The following NIBAN2 variants were observed in gnomAD, a reference collection of about 807,000 sequenced individuals.
The protein encoded by NIBAN2 is protein Niban 2.
NIBAN2 carries 36 observed loss-of-function variants against 81.8 expected under a neutral mutation model. That is an observed-to-expected ratio of 0.44 (90% CI 0.34 to 0.58). The LOEUF is 0.58. Ranked by LOEUF, NIBAN2 falls within the 20% of genes least tolerant of loss-of-function variation. NIBAN2 has a pLI of 0.02. For synonymous variants in NIBAN2, 445 were observed against 441.6 expected (o/e 1.01, Z -0.10); for missense variants, 897 against 1,014.1 (o/e 0.88, Z 1.57).
chr9:127,570,047 T>C (rs186928413), upstream of NIBAN2, among the ~76,000 whole-genome samples: 5 of 152,272 alleles, frequency 3.3e-5, no homozygotes, highest in East Asian at 9.7e-4. Flanking sequence ...CTCAATCCTT[T>C]GGCTGCTGGT....
intron 5 of NIBAN2, among the ~76,000 whole-genome samples, chr9:127,519,671 G>A (rs1346373057): frequency 1.3e-5 from 2 of 152,244 alleles, no homozygotes; most frequent in Non-Finnish European, 2.9e-5. Flanking sequence ...CAGCTGCCTG[G>A]ATGGGGACGG....
chr9:127,529,588 C>T (rs1036625834), intron 2 of NIBAN2, among the ~76,000 whole-genome samples: 25 of 152,162 alleles, frequency 1.6e-4, no homozygotes, highest in Admixed American at 7.2e-4. Flanking sequence ...TGCAGTGAGC[C>T]GAGACTGTGC....
chr9:127,527,156 C>T (rs147116643), intron 3 of NIBAN2, 38 bp downstream of exon 3: 21 of 1,606,268 alleles, frequency 1.3e-5, no homozygotes, highest in Admixed American at 6.7e-5. Context: ...ATGGAGAAAG[C>T]GGGGAGGCTC....
In NIBAN2 at chr9:127,507,259, T is replaced by C. The variant is rs1245152254; in HGVS notation, c.1827A>G (p.Ser609=). 4 of 1,607,976 alleles carry C rather than the reference T, an allele frequency of 2.5e-6. No homozygotes were observed. In the Admixed American group the frequency reaches 5.0e-5, roughly 20 times the overall value. The stretch of plus-strand genomic sequence containing the variant: ...GCCGTCGCTTTTCCGAGAGGGTGGC[T>C]GACTCCGGGGTGCTGGGGCTGGGGC... ...GGSPSPSTPE[S]ATLSEKRRRA... Residue 609 remains serine (S), a synonymous_variant, in exon 14 of 14, where the codon TCA becomes TCG. Coordinates refer to ENST00000373312, the MANE Select transcript of NIBAN2 (RefSeq NM_022833.4). The surrounding 1 kb of genome is among the most constrained non-coding windows in gnomAD (Gnocchi z 6.8).
At chr9:127,577,560 C>T (rs1034963967) in intron 1 of NIBAN2, among the ~76,000 whole-genome samples, 17 of 146,866 alleles carry the variant, frequency 1.2e-4, no homozygotes, top group African/African-American at 2.0e-4. Flanking sequence ...CAATACCCCA[C>T]GCTTCCCACA....
Position 127,523,806 on chromosome 9 carries a change from GC to G in NIBAN2, c.461del (p.Cys154SerfsTer21), listed in dbSNP as rs748490416. The G allele has an allele frequency of 1.2e-6, 2 of 1,613,534 alleles. No individual in the cohort carries two copies. The highest frequency in any genetic ancestry group is 1.7e-6 in the Non-Finnish European group (2 of 1,179,540). ...AGAGGATGAGCGGGAACTGTGTGGG[GC>G]ACTTGAGGATGGGGGCACTGCCCGA... ...AKSGSAPILK[C>X]PTQFPLILWH... On this transcript the variant is annotated frameshift_variant, in exon 5 of 14. Transcript: ENST00000373312. LOFTEE classifies it high-confidence loss of function.
chr9:127,563,428 AG>A lies in NIBAN2; in HGVS notation c.55+5391del, dbSNP rs1444879552. Among the ~76,000 whole-genome samples the A allele has an allele frequency of 2.0e-5, 3 of 152,226 alleles. No individual in the cohort carries two copies. Among genetic ancestry groups the A allele is most frequent in the Non-Finnish European group, 4.4e-5 (3 of 68,036 alleles). On this transcript the variant is annotated intron_variant, in intron 1 of 13. Coordinates refer to ENST00000373312, the MANE Select transcript of NIBAN2 (RefSeq NM_022833.4). This position sits in a 1 kb window ranked among gnomAD's most constrained non-coding sequence, Gnocchi z 4.1. Reference sequence around the variant, plus strand: ...CTCTGCAAAGTCCAGGGGAGCAAAGAGGAAGCCACACAGCAGGGTGAGGGGT... The same window carrying A: ...CTCTGCAAAGTCCAGGGGAGCAAAGAGAAGCCACACAGCAGGGTGAGGGGT...
In NIBAN2 at chr9:127,525,102, G is replaced by A. The variant is rs769655791; in HGVS notation, c.377C>T (p.Thr126Met). ...VINSAGYKIL[T>M]SVDQYLELIG... ...GAGCTCCAGGTATTGGTCCACGGAC[G>A]TGAGGATTTTGTAGCCTGCACTGTT... The change falls in exon 4 of 14, where the codon ACG becomes ATG. Residue 126 changes from threonine (T) to methionine (M), a missense_variant. By Grantham distance (81) the Thr-to-Met change is moderately conservative (BLOSUM62 -1). Transcript: ENST00000373312. The A allele has an allele frequency of 1.1e-5, 17 of 1,614,074 alleles. No individual in the cohort carries two copies. Among genetic ancestry groups the A allele is most frequent in the African/African-American group, 5.3e-5 (4 of 74,932 alleles).
chr9:127,516,976 G>A lies in NIBAN2; in HGVS notation c.854C>T (p.Ala285Val), dbSNP rs140486340. Residue 285 changes from alanine to valine, a missense_variant, in exon 8 of 14, where the codon GCG becomes GTG. Physicochemically the swap from Ala to Val is moderately conservative, Grantham distance 64. This residue lies in a region of NIBAN2 where 619 missense variants were observed against 691.0 expected (regional missense o/e 0.90). Coordinates refer to ENST00000373312, the MANE Select transcript of NIBAN2 (RefSeq NM_022833.4). ...CTTGGACAGCACCTCCTCGAAGCGCGCCTTGGCCTGCTCGTACACCATGTG... is the reference window on the plus strand; with the variant it reads ...CTTGGACAGCACCTCCTCGAAGCGCACCTTGGCCTGCTCGTACACCATGTG... ...VYHMVYEQAK[A>V]RFEEVLSKVQ... 3,596 of 1,613,990 alleles carry A rather than the reference G, an allele frequency of 2.2e-3. 44 individuals carry two copies. In the East Asian group the frequency reaches 0.043, roughly 19 times the overall value.
At position 127,509,146 on chromosome 9, in the gene NIBAN2, G is replaced by A; in HGVS notation, c.1162-15C>T. ...TTCTCCATGTACTGCAGGGGCCGGG[G>A]CCGCGGGGGCTGAGCAGGGCCGCCC... On this transcript the variant is annotated splice_polypyrimidine_tract_variant and intron_variant, in intron 9 of 13. Coordinates refer to ENST00000373312, the MANE Select transcript of NIBAN2 (RefSeq NM_022833.4). 1.9e-6 allele frequency: 3 copies of A among 1,602,806 alleles called. No individual in the cohort carries two copies. The highest frequency in any genetic ancestry group is 2.7e-5 in the African/African-American group (2 of 74,966).
Position 127,543,648 on chromosome 9 carries a change from C to A in NIBAN2, c.56-11870G>T, listed in dbSNP as rs545677979. 4.2e-4 allele frequency among the ~76,000 whole-genome samples: 64 copies of A among 152,330 alleles called. No homozygotes were observed. In the South Asian group the frequency reaches 0.013, roughly 32 times the overall value. ...AGCCCCGCTCTCCTTCCCATCCCCACACCCTGGGCGTCTCTCGCCTCCATT... is the reference window on the plus strand; with the variant it reads ...AGCCCCGCTCTCCTTCCCATCCCCAAACCCTGGGCGTCTCTCGCCTCCATT... On this transcript the variant is annotated intron_variant, in intron 1 of 13. Coordinates refer to ENST00000373312, the MANE Select transcript of NIBAN2 (RefSeq NM_022833.4).
chr9:127,514,580 A>G (rs1036924801), intron 8 of NIBAN2, among the ~76,000 whole-genome samples: 1 of 152,238 alleles, frequency 6.6e-6, no homozygotes, highest in Non-Finnish European at 1.5e-5. Flanking sequence ...AAAAAGAACA[A>G]CAGCAATGAA....
chr9:127,561,129 C>T (rs1199962522), intron 1 of NIBAN2: 9 of 985,346 alleles, frequency 9.1e-6, no homozygotes, highest in Non-Finnish European at 1.1e-5. Context: ...AGAGTGGATG[C>T]TGCTGCGGAG....
chr9:127,571,168 G>A (rs1029782941), upstream of NIBAN2, among the ~76,000 whole-genome samples: 4 of 152,090 alleles, frequency 2.6e-5, no homozygotes, highest in East Asian at 1.9e-4. Context: ...CCCAGGCTTC[G>A]TGGCACACCC....
At chr9:127,528,848 C>A (rs1837126425) in intron 2 of NIBAN2, among the ~76,000 whole-genome samples, 1 of 152,192 alleles carries the variant, frequency 6.6e-6, no homozygotes, top group African/African-American at 2.4e-5. Context: ...TAGTTTTCAT[C>A]TTCATCCCTG....
intron 5 of NIBAN2, among the ~76,000 whole-genome samples, chr9:127,518,697 A>C (rs1836879262): frequency 6.6e-6 from 1 of 152,208 alleles, no homozygotes; most frequent in African/African-American, 2.4e-5. Context: ...CAATGGCCTC[A>C]CAGGTCCACT....
Position 127,507,748 on chromosome 9 carries a change from C to T in NIBAN2, c.1654+119G>A, listed in dbSNP as rs542151110. ...AGCGAAGAGTGGGCTTCACCCAGACCCCAGGTGCAAGTCTGGGCTTTTCTT... is the reference window on the plus strand; with the variant it reads ...AGCGAAGAGTGGGCTTCACCCAGACTCCAGGTGCAAGTCTGGGCTTTTCTT... On this transcript the variant is annotated intron_variant, in intron 13 of 13. Coordinates refer to ENST00000373312, the MANE Select transcript of NIBAN2 (RefSeq NM_022833.4). The surrounding 1 kb of genome is among the most constrained non-coding windows in gnomAD (Gnocchi z 6.8). 169 of 909,812 alleles carry T rather than the reference C, an allele frequency of 1.9e-4. 4 individuals are homozygous for T. In the Middle Eastern group the frequency reaches 2.2e-3, roughly 12 times the overall value. The allele number at this position is 909,812 out of a possible 1,614,324, so 56.4% of individuals were successfully genotyped here.
Position 127,508,059 on chromosome 9 carries a change from G to A in NIBAN2, c.1542+34C>T. Reference sequence around the variant, plus strand: ...TGTGGGCTCCATCCCCCAACTTAGGGCCCAAACGGCTGGAGCAGGTGGGGG... The same window carrying A: ...TGTGGGCTCCATCCCCCAACTTAGGACCCAAACGGCTGGAGCAGGTGGGGG... On this transcript the variant is annotated intron_variant, in intron 12 of 13. Transcript: ENST00000373312. This position sits in a 1 kb window ranked among gnomAD's most constrained non-coding sequence, Gnocchi z 6.4. 1 of 1,610,632 alleles carries A rather than the reference G, an allele frequency of 6.2e-7. No homozygotes were observed. Among genetic ancestry groups the A allele is most frequent in the East Asian group, 2.2e-5 (1 of 44,860 alleles).
chr9:127,527,131 G>A (rs1360163762), intron 3 of NIBAN2, 63 bp downstream of exon 3: 1 of 1,592,992 alleles, frequency 6.3e-7, no homozygotes, highest in Non-Finnish European at 8.5e-7. Flanking sequence ...TTCCGAGTTG[G>A]GGGAGGGGGC....
Sources: allele counts gnomAD v4.1 joint callset (sites outside exome capture counted in the v4.1 genomes callset), GRCh38; gene constraint gnomAD v4.1.1; regional missense constraint gnomAD v4.1.1; non-coding constraint Gnocchi (gnomAD v3.1); transcripts MANE v1.5; gene names NCBI Gene and HGNC (gene_info 2026-07-23, HGNC 2026-07-21).